The following DNAI4 variants were observed in gnomAD, a reference collection of about 807,000 sequenced individuals.
The protein encoded by DNAI4 is WD repeat domain 78.
Under a neutral mutation model 105.8 loss-of-function variants are expected in DNAI4, and 85 were observed. That is an observed-to-expected ratio of 0.80 (90% confidence interval 0.67 to 0.96). The LOEUF is 0.96. Ranked by LOEUF, DNAI4 falls within the 40% of genes least tolerant of loss-of-function variation. The pLI is 0.00. For synonymous variants in DNAI4, 352 were observed against 331.5 expected (o/e 1.06, Z -0.67); for missense variants, 1,014 against 1,005.6 (o/e 1.01, Z -0.11).
intron 2 of DNAI4, 172 bp downstream of exon 2, chr1:66,905,029 G>A (rs900124399): frequency 8.3e-5 from 39 of 469,488 alleles, no homozygotes; most frequent in African/African-American, 7.1e-4. Context: ...AGTTATAGGA[G>A]CCAAGTGTCA....
intron 11 of DNAI4, 135 bp downstream of exon 11, chr1:66,835,491 G>T: frequency 2.2e-6 from 2 of 898,342 alleles, no homozygotes; most frequent in Non-Finnish European, 3.3e-6. Flanking sequence ...CAATATGAGG[G>T]ATTATGAAAT....
At chr1:66,916,385 G>T (rs1305450402) in intron 1 of DNAI4, among the ~76,000 whole-genome samples, 1 of 152,056 alleles carries the variant, frequency 6.6e-6, no homozygotes, top group Non-Finnish European at 1.5e-5. Flanking sequence ...TAAGTTACAG[G>T]GTTTTGACTC....
At chr1:66,909,257 TCTC>T (rs1415898427) in intron 1 of DNAI4, among the ~76,000 whole-genome samples, 1 of 142,878 alleles carries the variant, frequency 7.0e-6, no homozygotes, top group African/African-American at 2.7e-5. Flanking sequence ...TTGGGAAAAA[TCTC>T]CTATTTATTG....
chr1:66,891,618 C>G (rs983412592), intron 3 of DNAI4, among the ~76,000 whole-genome samples: 1 of 152,186 alleles, frequency 6.6e-6, no homozygotes. Flanking sequence ...TGCGCCACCA[C>G]GTCCAGCTAA....
chr1:66,845,190 CAAAAAAAAAAAAAAAAAAA>C lies in DNAI4; in HGVS notation c.1291+2275_1291+2293del, dbSNP rs1646247124. 3.8e-5 allele frequency among the ~76,000 whole-genome samples: 4 copies of C among 106,326 alleles called. No individual in the cohort carries two copies. The East Asian group carries it at 1.1e-3, about 30-fold the overall frequency. The allele number at this position is 106,326 out of a possible 152,430, so 69.8% of individuals were successfully genotyped here. ...TGGGTGACAGAGCGAAACTCCATCTCAAAAAAAAAAAAAAAAAAAGAAAAATTAAAAAAAAAAAAAAAAA... is the reference window on the plus strand; with the variant it reads ...TGGGTGACAGAGCGAAACTCCATCTCGAAAAATTAAAAAAAAAAAAAAAAA... On this transcript the variant is annotated intron_variant, in intron 8 of 16. Coordinates refer to ENST00000371026, the MANE Select transcript of DNAI4 (RefSeq NM_024763.5).
At chr1:66,893,785 A>C (rs952339973) in intron 2 of DNAI4, among the ~76,000 whole-genome samples, 7 of 152,166 alleles carry the variant, frequency 4.6e-5, no homozygotes, top group African/African-American at 1.7e-4. Flanking sequence ...GCATTTCCCA[A>C]GTTATTATAT....
chr1:66,905,913 T>C (rs1050694846), intron 1 of DNAI4, among the ~76,000 whole-genome samples: 1 of 142,374 alleles, frequency 7.0e-6, no homozygotes, highest in Non-Finnish European at 1.5e-5. Context: ...CTGAATTATA[T>C]ACTACTTTTT....
At chr1:66,905,808 T>C (rs550392935) in intron 1 of DNAI4, among the ~76,000 whole-genome samples, 4 of 152,250 alleles carry the variant, frequency 2.6e-5, no homozygotes, top group African/African-American at 9.6e-5. Flanking sequence ...AGTAAGTCCC[T>C]GGCACATAGT....
intron 9 of DNAI4, among the ~76,000 whole-genome samples, chr1:66,839,869 T>C (rs1326800549): frequency 6.6e-6 from 1 of 152,244 alleles, no homozygotes; most frequent in Non-Finnish European, 1.5e-5. Flanking sequence ...AAATTATTTA[T>C]GCTTTTTGTG....
At chr1:66,825,958 C>T (rs1000859889) in intron 15 of DNAI4, among the ~76,000 whole-genome samples, 1 of 152,090 alleles carries the variant, frequency 6.6e-6, no homozygotes, top group Non-Finnish European at 1.5e-5. Flanking sequence ...AAAAGCAGAA[C>T]CATTAACGTT....
At chr1:66,848,291 C>T (rs888320861) in intron 7 of DNAI4, 13 of 455,982 alleles carry the variant, frequency 2.9e-5, no homozygotes, top group African/African-American at 1.4e-4. Context: ...TCTGTCATCA[C>T]GTCTCTCTCC....
chr1:66,815,024 T>A (rs928027068), intron 16 of DNAI4, among the ~76,000 whole-genome samples: 1 of 152,186 alleles, frequency 6.6e-6, no homozygotes, highest in Non-Finnish European at 1.5e-5. Flanking sequence ...AGTTTCTCTA[T>A]CACATAGTAA....
At chr1:66,912,981 G>T (rs1490677912) in intron 1 of DNAI4, among the ~76,000 whole-genome samples, 1 of 151,918 alleles carries the variant, frequency 6.6e-6, no homozygotes, top group African/African-American at 2.4e-5. Flanking sequence ...CTTTTTTTTG[G>T]AGTTTTACTT....
At chr1:66,875,877 A>G (rs1646949284) in intron 4 of DNAI4, among the ~76,000 whole-genome samples, 1 of 152,160 alleles carries the variant, frequency 6.6e-6, no homozygotes, top group African/African-American at 2.4e-5. Flanking sequence ...ACCATCTATG[A>G]CTAATAAATA....
intron 1 of DNAI4, among the ~76,000 whole-genome samples, chr1:66,919,766 T>G (rs1290787622): frequency 6.6e-6 from 1 of 152,198 alleles, no homozygotes; most frequent in Non-Finnish European, 1.5e-5. Flanking sequence ...AGGGCCTGAC[T>G]GACATGTGGG....
intron 4 of DNAI4, among the ~76,000 whole-genome samples, chr1:66,884,603 T>A (rs1014002697): frequency 3.3e-5 from 5 of 152,214 alleles, no homozygotes; most frequent in Non-Finnish European, 5.9e-5. Context: ...TTTTTCAATG[T>A]GTTGTGGAAT....
intron 6 of DNAI4, among the ~76,000 whole-genome samples, 196 bp from the exon 7 acceptor site, chr1:66,862,498 T>G (rs1361083653): frequency 2.6e-5 from 4 of 152,144 alleles, no homozygotes. Flanking sequence ...TAGTGTGCTA[T>G]GATGACACCT....
At chr1:66,825,403 G>A (rs1010028545) in intron 15 of DNAI4, among the ~76,000 whole-genome samples, 2 of 151,152 alleles carry the variant, frequency 1.3e-5, no homozygotes, top group Non-Finnish European at 2.9e-5. Context: ...GGATGGTCTC[G>A]ATCTCCTGAC....
intron 7 of DNAI4, among the ~76,000 whole-genome samples, chr1:66,856,627 T>C (rs531494904): frequency 1.3e-5 from 2 of 151,876 alleles, no homozygotes; most frequent in South Asian, 4.2e-4. Flanking sequence ...AGAATAGAAA[T>C]CATATACAGT....
Sources: allele counts gnomAD v4.1 joint callset (sites outside exome capture counted in the v4.1 genomes callset), GRCh38; gene constraint gnomAD v4.1.1; transcripts MANE v1.5; gene names NCBI Gene and HGNC (gene_info 2026-07-23, HGNC 2026-07-21).